TENT2: variants seen among roughly 807,000 people sequenced by gnomAD.
The protein encoded by TENT2 is terminal nucleotidyltransferase 2.
TENT2 carries 44 observed loss-of-function variants against 72.2 expected under a neutral mutation model. The ratio of observed to expected loss-of-function variants is 0.61; its 90% CI spans 0.48 to 0.78. The LOEUF is 0.78. Among genes scored for constraint, TENT2 ranks in the 30% least tolerant of loss-of-function variants. The pLI, the probability that TENT2 is intolerant of heterozygous loss-of-function variation, is 0.00. For synonymous variants in TENT2, 212 were observed against 192.5 expected (o/e 1.10, Z -0.84); for missense variants, 541 against 569.6 (o/e 0.95, Z 0.51).
At chr5:79,635,578 A>G (rs973434577) in intron 4 of TENT2, among the ~76,000 whole-genome samples, 1 of 152,026 alleles carries the variant, frequency 6.6e-6, no homozygotes, top group African/African-American at 2.4e-5. Context: ...TTTTGGAGAC[A>G]GAGTCTTGCT....
chr5:79,633,691 C>T (rs1237695797), intron 4 of TENT2, among the ~76,000 whole-genome samples: 2 of 148,448 alleles, frequency 1.3e-5, no homozygotes, highest in Non-Finnish European at 3.0e-5. Context: ...GCTGGAATTA[C>T]AGGCATGAGC....
At chr5:79,652,674 T>G (rs992353421) in intron 10 of TENT2, among the ~76,000 whole-genome samples, 2 of 152,072 alleles carry the variant, frequency 1.3e-5, no homozygotes, top group Middle Eastern at 3.2e-3. Flanking sequence ...AATACATGTA[T>G]TTTTATTGCT....
At chr5:79,648,926 C>A in intron 9 of TENT2, 136 bp from the exon 10 acceptor site, 2 of 1,056,794 alleles carry the variant, frequency 1.9e-6, no homozygotes, top group Non-Finnish European at 2.7e-6. Flanking sequence ...AGACATAAGA[C>A]ACAAAGTGAA....
intron 1 of TENT2, among the ~76,000 whole-genome samples, chr5:79,617,081 A>G (rs898785298): frequency 4.6e-5 from 7 of 151,852 alleles, no homozygotes; most frequent in African/African-American, 1.7e-4. Flanking sequence ...CAGCTACTTC[A>G]ATTCTTCTGG....
In TENT2 at chr5:79,620,091, C is replaced by G; in HGVS notation, c.227+8C>G. ...ATTATTTCGAGGAAGGAAGTAAGTA[C>G]TTCTTAATTATTTTAAAAGAATATT... On this transcript the variant is annotated splice_region_variant and intron_variant, in intron 3 of 14. Coordinates refer to ENST00000453514, the MANE Select transcript of TENT2 (RefSeq NM_001114394.3). 6.4e-7 allele frequency: 1 copy of G among 1,560,836 alleles called. No homozygotes were observed. Among genetic ancestry groups the G allele is most frequent in the Non-Finnish European group, 8.8e-7 (1 of 1,135,624 alleles).
chr5:79,649,255 C>T, intron 10 of TENT2, 65 bp downstream of exon 10: 1 of 1,411,676 alleles, frequency 7.1e-7, no homozygotes, highest in Non-Finnish European at 9.7e-7. Flanking sequence ...GGTGTCTTCT[C>T]TGTTGACCCT....
chr5:79,638,358 T>G (rs1781847230), intron 4 of TENT2, among the ~76,000 whole-genome samples: 1 of 152,174 alleles, frequency 6.6e-6, no homozygotes, highest in Non-Finnish European at 1.5e-5. Flanking sequence ...TATTCATATG[T>G]CCACTGAGAG....
At chr5:79,658,829 C>G (rs1435113849) in intron 11 of TENT2, among the ~76,000 whole-genome samples, 1 of 151,228 alleles carries the variant, frequency 6.6e-6, no homozygotes, top group African/African-American at 2.5e-5. Flanking sequence ...ACTGACGGCC[C>G]CATTTTCACT....
chr5:79,633,649 C>G (rs1249029045), intron 4 of TENT2, among the ~76,000 whole-genome samples: 2 of 150,442 alleles, frequency 1.3e-5, no homozygotes, highest in Non-Finnish European at 3.0e-5. Flanking sequence ...CTGCCAACCT[C>G]AGGTGATCCA....
intron 12 of TENT2, among the ~76,000 whole-genome samples, chr5:79,671,935 TCTA>T (rs1003875574): frequency 1.3e-5 from 2 of 151,838 alleles, no homozygotes; most frequent in African/African-American, 4.8e-5. Context: ...AAACCCCCTT[TCTA>T]CTAAAAATAC....
intron 14 of TENT2, among the ~76,000 whole-genome samples, chr5:79,684,182 T>C (rs549173847): frequency 6.6e-6 from 1 of 152,240 alleles, no homozygotes; most frequent in African/African-American, 2.4e-5. Flanking sequence ...TTTTAGCTTG[T>C]GAACAAGTTT....
chr5:79,664,526 C>T (rs946737888), intron 11 of TENT2, among the ~76,000 whole-genome samples: 8 of 149,172 alleles, frequency 5.4e-5, no homozygotes, highest in African/African-American at 7.4e-5. Context: ...ACCCAGGAGG[C>T]GGAGGTTGCA....
Position 79,645,312 on chromosome 5 carries a change from G to T in TENT2, c.821+120G>T, listed in dbSNP as rs528294585. On this transcript the variant is annotated intron_variant, in intron 8 of 14. Coordinates refer to ENST00000453514, the MANE Select transcript of TENT2 (RefSeq NM_001114394.3). ...TACAGTTTATTTTAATCAGTTTTTA[G>T]AAATCATTTGACTTGGTGTTTGAAA... The T allele has an allele frequency of 1.2e-4, 94 of 784,676 alleles. No individual in the cohort carries two copies. In the African/African-American group the frequency reaches 1.5e-3, roughly 13 times the overall value. 48.6% of individuals were successfully genotyped at this position (784,676 alleles called of 1,614,324 possible). A position where few individuals can be genotyped will look rare whatever the true frequency, so the allele number is the denominator to read the frequency against.
At chr5:79,634,055 G>A (rs1778018036) in intron 4 of TENT2, among the ~76,000 whole-genome samples, 1 of 148,056 alleles carries the variant, frequency 6.8e-6, no homozygotes, top group African/African-American at 2.5e-5. Flanking sequence ...TATAGTCCCA[G>A]CTACTCGGGA....
At chr5:79,680,617 G>C (rs1820918161) in intron 13 of TENT2, among the ~76,000 whole-genome samples, 1 of 152,142 alleles carries the variant, frequency 6.6e-6, no homozygotes, top group African/African-American at 2.4e-5. Flanking sequence ...CTTTCCATCA[G>C]ACTCCCTATT....
chr5:79,646,344 CT>C (rs1789007330), intron 8 of TENT2, among the ~76,000 whole-genome samples: 2 of 152,102 alleles, frequency 1.3e-5, no homozygotes, highest in Non-Finnish European at 2.9e-5. Context: ...CAACATAAAA[CT>C]TGGTTATGTA....
At chr5:79,666,309 A>T (rs916316629) in intron 11 of TENT2, among the ~76,000 whole-genome samples, 2 of 151,774 alleles carry the variant, frequency 1.3e-5, no homozygotes, top group Non-Finnish European at 2.9e-5. Context: ...TATTTGTTGA[A>T]ATTTTAAAGC....
intron 10 of TENT2, among the ~76,000 whole-genome samples, chr5:79,650,809 C>G (rs944491865): frequency 1.9e-4 from 29 of 151,792 alleles, no homozygotes; most frequent in Non-Finnish European, 4.0e-4. Flanking sequence ...AGGATGATAC[C>G]CAAATTGAGA....
intron 4 of TENT2, among the ~76,000 whole-genome samples, chr5:79,630,140 T>C (rs1036860135): frequency 1.3e-5 from 2 of 151,464 alleles, no homozygotes; most frequent in African/African-American, 4.8e-5. Flanking sequence ...GTCTCAAAAA[T>C]ACAAAAATTA....
Sources: allele counts gnomAD v4.1 joint callset (sites outside exome capture counted in the v4.1 genomes callset), GRCh38; gene constraint gnomAD v4.1.1; transcripts MANE v1.5; gene names NCBI Gene and HGNC (gene_info 2026-07-23, HGNC 2026-07-21).